Variants in OR51C1 observed in about 807,000 individuals in gnomAD.
OR51C1 encodes olfactory receptor OR51C1.
chr11:4,693,392 C>T, the OR51C1 span, among the ~76,000 whole-genome samples: 2 of 152,128 alleles, frequency 1.3e-5, no homozygotes, highest in Non-Finnish European at 1.5e-5. Flanking sequence ...TAAGTTGAGA[C>T]GAAGAATTCC....
At chr11:4,692,927 A>G in the OR51C1 span, among the ~76,000 whole-genome samples, 3 of 152,134 alleles carry the variant, frequency 2.0e-5, no homozygotes, top group South Asian at 2.1e-4. Flanking sequence ...GAAATTATAG[A>G]TTACACGATT....
chr11:4,691,996 T>C, the OR51C1 span, among the ~76,000 whole-genome samples: 3 of 152,218 alleles, frequency 2.0e-5, no homozygotes, highest in African/African-American at 7.2e-5. Flanking sequence ...GTTCTAGCCA[T>C]AGATAACCAA....
At chr11:4,697,207 G>A in the OR51C1 span, among the ~76,000 whole-genome samples, 6 of 152,194 alleles carry the variant, frequency 3.9e-5, no homozygotes, top group South Asian at 2.1e-4. Context: ...TCCAAAGCTC[G>A]TGCTCTCAAA....
At chr11:4,695,625 A>G in the OR51C1 span, among the ~76,000 whole-genome samples, 1 of 152,072 alleles carries the variant, frequency 6.6e-6, no homozygotes, top group African/African-American at 2.4e-5. Flanking sequence ...AAATCCTCCA[A>G]ATGATGTCAC....
chr11:4,692,408 C>G, the OR51C1 span, among the ~76,000 whole-genome samples: 1 of 152,216 alleles, frequency 6.6e-6, no homozygotes, highest in Non-Finnish European at 1.5e-5. Context: ...TGTGCTGCCA[C>G]GTTCCAACAC....
chr11:4,694,575 TACACAC>T, the OR51C1 span, among the ~76,000 whole-genome samples: 2 of 147,868 alleles, frequency 1.4e-5, no homozygotes, highest in African/African-American at 5.0e-5. Flanking sequence ...CATATATATA[TACACAC>T]ACACACACAC....
At chr11:4,694,964 G>T in the OR51C1 span, among the ~76,000 whole-genome samples, 1 of 152,130 alleles carries the variant, frequency 6.6e-6, no homozygotes, top group Non-Finnish European at 1.5e-5. Context: ...CTTTTGCAGT[G>T]CCGTTGATAA....
At chr11:4,691,668 A>G in the OR51C1 span, 12 of 400,894 alleles carry the variant, frequency 3.0e-5, no homozygotes, top group Admixed American at 2.1e-4. Flanking sequence ...CAGGAAAATG[A>G]TGGAAGTGGA....
At chr11:4,691,398 T>G in the OR51C1 span, 33 of 457,714 alleles carry the variant, frequency 7.2e-5, no homozygotes, top group South Asian at 5.1e-4. Flanking sequence ...AAAGAACATG[T>G]GGGACAAGCA....
chr11:4,694,063 T>C, the OR51C1 span, among the ~76,000 whole-genome samples: 899 of 152,346 alleles, frequency 5.9e-3, 4 homozygotes, highest in Admixed American at 0.011. Context: ...ATTTTTGTCA[T>C]TGTGTTGTAG....
the OR51C1 span, chr11:4,690,677 G>T: frequency 3.0e-6 from 1 of 328,412 alleles, no homozygotes; most frequent in Non-Finnish European, 5.9e-6. Context: ...CAGTTCTTTG[G>T]TTGTTTTTTG....
At chr11:4,690,760 A>C in the OR51C1 span, 5 of 397,552 alleles carry the variant, frequency 1.3e-5, no homozygotes, top group South Asian at 9.6e-5. Context: ...CTACAATTTT[A>C]TGTTTCTTTG....
the OR51C1 span, chr11:4,697,613 AGAGTC>A: frequency 6.6e-6 from 1 of 152,670 alleles, no homozygotes; most frequent in Non-Finnish European, 1.5e-5. Context: ...CAATTCATCT[AGAGTC>A]AAGCATTTTC....
the OR51C1 span, among the ~76,000 whole-genome samples, chr11:4,694,966 C>A: frequency 1.2e-4 from 18 of 151,874 alleles, no homozygotes; most frequent in Non-Finnish European, 2.2e-4. Flanking sequence ...TTTGCAGTGC[C>A]GTTGATAAAA....
chr11:4,690,546 A>G, the OR51C1 span: 1 of 227,688 alleles, frequency 4.4e-6, no homozygotes, highest in South Asian at 5.9e-5. Flanking sequence ...TAGGCTGTTC[A>G]TCTCTTCCAT....
At chr11:4,693,624 G>T in the OR51C1 span, among the ~76,000 whole-genome samples, 1 of 152,170 alleles carries the variant, frequency 6.6e-6, no homozygotes, top group Non-Finnish European at 1.5e-5. Context: ...GGGAGGCTGA[G>T]GCAGGAGAAT....
chr11:4,692,507 T>G, the OR51C1 span, among the ~76,000 whole-genome samples: 5 of 152,270 alleles, frequency 3.3e-5, no homozygotes, highest in Non-Finnish European at 7.3e-5. Context: ...GATACCTAAT[T>G]GAATGTTACT....
chr11:4,695,935 A>C, the OR51C1 span, among the ~76,000 whole-genome samples: 1 of 152,124 alleles, frequency 6.6e-6, no homozygotes, highest in Non-Finnish European at 1.5e-5. Context: ...GGCTTTAAAT[A>C]GCACTTATAT....
chr11:4,693,297 CAGAA>C, the OR51C1 span, among the ~76,000 whole-genome samples: 1 of 152,082 alleles, frequency 6.6e-6, no homozygotes, highest in Non-Finnish European at 1.5e-5. Flanking sequence ...AAGGAATTAC[CAGAA>C]AGAGAGCATT....
Sources: allele counts gnomAD v4.1 joint callset (sites outside exome capture counted in the v4.1 genomes callset), GRCh38; gene constraint gnomAD v4.1.1; transcripts MANE v1.5; gene names NCBI Gene and HGNC (gene_info 2026-07-23, HGNC 2026-07-21).